The following AMPH variants were observed in gnomAD, a reference collection of about 807,000 sequenced individuals.
AMPH encodes the protein amphiphysin, also known as amphiphysin (Stiff-Mann syndrome with breast cancer 128kD autoantigen).
In AMPH, 49 loss-of-function variants were observed where a neutral mutation model predicts 99.1. The observed-to-expected ratio is 0.49, with a 90% CI of 0.39 to 0.63. The LOEUF (loss-of-function observed/expected upper bound fraction) is 0.63, where lower values mean the gene tolerates loss of function less well. Among genes scored for constraint, AMPH ranks in the 20% least tolerant of loss-of-function variants. The pLI, the probability that AMPH is intolerant of heterozygous loss-of-function variation, is 0.00. For synonymous variants in AMPH, 314 were observed against 317.3 expected, an observed-to-expected ratio of 0.99 and a Z score of 0.11; for missense variants, 759 against 863.4, an observed-to-expected ratio of 0.88 and a Z score of 1.52.
chr7:38,418,459 A>T (rs1785466942), intron 16 of AMPH, among the ~76,000 whole-genome samples: 1 of 152,190 alleles, frequency 6.6e-6, no homozygotes, highest in African/African-American at 2.4e-5. Context: ...AGTTTTATGA[A>T]TATGCATTGC....
At chr7:38,520,343 A>G (rs537416801) in intron 2 of AMPH, among the ~76,000 whole-genome samples, 2 of 152,328 alleles carry the variant, frequency 1.3e-5, no homozygotes, top group South Asian at 2.1e-4. Context: ...TTTTGCATGT[A>G]TAGTCATAAA....
At chr7:38,507,375 T>C (rs1342349871) in intron 2 of AMPH, among the ~76,000 whole-genome samples, 1 of 152,212 alleles carries the variant, frequency 6.6e-6, no homozygotes. Flanking sequence ...ATTTTCCCCA[T>C]GAGTATTTCG....
At chr7:38,445,244 A>G (rs1786728263) in intron 11 of AMPH, among the ~76,000 whole-genome samples, 1 of 151,922 alleles carries the variant, frequency 6.6e-6, no homozygotes, top group African/African-American at 2.4e-5. Context: ...TCCAACACAC[A>G]CTTTGTACCA....
chr7:38,549,276 G>T (rs1562820988), intron 1 of AMPH, among the ~76,000 whole-genome samples: 1 of 152,168 alleles, frequency 6.6e-6, no homozygotes, highest in Non-Finnish European at 1.5e-5. Flanking sequence ...GTAAGATGTT[G>T]ATTTTCCTCC....
intron 11 of AMPH, among the ~76,000 whole-genome samples, chr7:38,449,252 A>G (rs946595162): frequency 2.6e-5 from 4 of 152,184 alleles, no homozygotes; most frequent in Non-Finnish European, 4.4e-5. Flanking sequence ...CGATTTGTTC[A>G]TTTACTGAAT....
At chr7:38,488,918 AC>A (rs1470898947) in intron 5 of AMPH, among the ~76,000 whole-genome samples, 1 of 152,130 alleles carries the variant, frequency 6.6e-6, no homozygotes, top group Non-Finnish European at 1.5e-5. Flanking sequence ...TACCCATACT[AC>A]CCAAAGTGAT....
chr7:38,453,217 T>C (rs900069539), intron 11 of AMPH, among the ~76,000 whole-genome samples: 2 of 152,190 alleles, frequency 1.3e-5, no homozygotes, highest in Admixed American at 1.3e-4. Context: ...ACTCCTATAA[T>C]GTCTCTGGTG....
At chr7:38,442,190 A>G (rs958604634) in intron 11 of AMPH, among the ~76,000 whole-genome samples, 5 of 152,076 alleles carry the variant, frequency 3.3e-5, no homozygotes, top group Non-Finnish European at 7.4e-5. Flanking sequence ...CTGTACAACA[A>G]ACGCCCATGA....
intron 11 of AMPH, among the ~76,000 whole-genome samples, chr7:38,460,260 T>G (rs750327260): frequency 1.3e-5 from 2 of 152,046 alleles, no homozygotes; most frequent in Non-Finnish European, 2.9e-5. Flanking sequence ...TTGGTGCAAC[T>G]AGTACAGAAA....
At chr7:38,622,450 T>TACACAC (rs1340763607) in intron 1 of AMPH, among the ~76,000 whole-genome samples, 8 of 74,772 alleles carry the variant, frequency 1.1e-4, no homozygotes, top group African/African-American at 5.1e-4. Flanking sequence ...TATGTATGAA[T>TACACAC]ACATACACAC....
intron 5 of AMPH, among the ~76,000 whole-genome samples, chr7:38,483,096 C>T (rs927300197): frequency 6.6e-6 from 1 of 152,258 alleles, no homozygotes; most frequent in Middle Eastern, 3.4e-3. Flanking sequence ...CAGCTACCTA[C>T]TTCTCAGTGA....
intron 1 of AMPH, among the ~76,000 whole-genome samples, chr7:38,606,678 T>C (rs1793447356): frequency 6.8e-6 from 1 of 147,620 alleles, no homozygotes; most frequent in Non-Finnish European, 1.5e-5. Context: ...GCTGAAGCCA[T>C]CCTCCTGCCT....
At chr7:38,474,246 A>AAAAAT (rs570230572) in intron 7 of AMPH, among the ~76,000 whole-genome samples, 1,977 of 152,098 alleles carry the variant, frequency 0.013, 42 homozygotes, top group African/African-American at 0.044. Flanking sequence ...ATGGCACCAA[A>AAAAAT]AAAATAAAAT....
chr7:38,564,703 C>T (rs1791667882), intron 1 of AMPH, among the ~76,000 whole-genome samples: 1 of 152,180 alleles, frequency 6.6e-6, no homozygotes. Flanking sequence ...GTCTCCTTCC[C>T]AATACTTAAT....
chr7:38,578,868 T>C (rs1792343950), intron 1 of AMPH, among the ~76,000 whole-genome samples: 1 of 152,230 alleles, frequency 6.6e-6, no homozygotes, highest in South Asian at 2.1e-4. Flanking sequence ...CTTACATTTT[T>C]ACAAATATCT....
intron 1 of AMPH, 30 bp downstream of exon 1, chr7:38,631,253 C>T (rs553502545): frequency 2.7e-6 from 4 of 1,505,530 alleles, no homozygotes; most frequent in Non-Finnish European, 2.7e-6. Context: ...CTGGCGTCCC[C>T]GGCCCCAGCC....
chr7:38,520,648 G>A (rs763594990), intron 2 of AMPH, among the ~76,000 whole-genome samples: 13 of 152,206 alleles, frequency 8.5e-5, no homozygotes, highest in African/African-American at 3.1e-4. Context: ...GAAGTAAACA[G>A]AGGAAAAGAG....
chr7:38,494,649 T>C lies in AMPH; in HGVS notation c.206-122A>G. The C allele has an allele frequency of 8.7e-6, 7 of 804,852 alleles. No homozygotes were observed. The South Asian group carries it at 1.1e-4, about 12-fold the overall frequency. The allele number at this position is 804,852 out of a possible 1,614,324, so 49.9% of individuals were successfully genotyped here. On this transcript the variant is annotated intron_variant, in intron 3 of 20. Transcript: ENST00000356264. ...TTGCTAAACATTTAAGGAAAAACTATAAAGGCACAACTGCTGCTTGTATCT... is the reference window on the plus strand; with the variant it reads ...TTGCTAAACATTTAAGGAAAAACTACAAAGGCACAACTGCTGCTTGTATCT...
At chr7:38,445,041 TAC>T (rs1554337451) in intron 11 of AMPH, among the ~76,000 whole-genome samples, 1 of 130,238 alleles carries the variant, frequency 7.7e-6, no homozygotes, top group East Asian at 3.8e-4. Flanking sequence ...TACATATATA[TAC>T]ATATATAGAT....
Sources: allele counts gnomAD v4.1 joint callset (sites outside exome capture counted in the v4.1 genomes callset), GRCh38; gene constraint gnomAD v4.1.1; transcripts MANE v1.5; gene names NCBI Gene and HGNC (gene_info 2026-07-23, HGNC 2026-07-21).